FALEC: variants seen among roughly 807,000 people sequenced by gnomAD.
FALEC encodes the protein focally amplified lncRNA on chromosome 1.
chr1:150,518,765 G>A (rs1346456576), downstream of FALEC, among the ~76,000 whole-genome samples: 1 of 151,950 alleles, frequency 6.6e-6, no homozygotes, highest in African/African-American at 2.4e-5. Flanking sequence ...CATAACCTTT[G>A]AAAATCCCTG....
the FALEC span, among the ~76,000 whole-genome samples, chr1:150,524,162 T>G: frequency 6.6e-6 from 1 of 152,172 alleles, no homozygotes; most frequent in Non-Finnish European, 1.5e-5. Context: ...TTTTTAATTT[T>G]TTTTAGAGGT....
chr1:150,535,982 A>G, the FALEC span, among the ~76,000 whole-genome samples: 1 of 152,202 alleles, frequency 6.6e-6, no homozygotes, highest in Non-Finnish European at 1.5e-5. Flanking sequence ...TGGGGAAACC[A>G]AGATATGTAA....
At chr1:150,522,900 T>C (rs1369765649), downstream of FALEC, among the ~76,000 whole-genome samples, 14 of 68,418 alleles carry the variant, frequency 2.0e-4, no homozygotes, top group African/African-American at 8.0e-4. Flanking sequence ...TATATATATA[T>C]ATACATATAT....
At chr1:150,528,878 C>T in the FALEC span, among the ~76,000 whole-genome samples, 6 of 151,808 alleles carry the variant, frequency 4.0e-5, no homozygotes, top group Non-Finnish European at 8.8e-5. Context: ...TGAGCCACTG[C>T]GCCTGGCACT....
the FALEC span, among the ~76,000 whole-genome samples, chr1:150,529,717 T>C: frequency 2.0e-5 from 3 of 151,816 alleles, no homozygotes; most frequent in East Asian, 3.9e-4. Context: ...CCTGCCTCAG[T>C]CTCCCGAGTA....
the FALEC span, among the ~76,000 whole-genome samples, chr1:150,525,062 C>T: frequency 4.6e-5 from 7 of 151,118 alleles, no homozygotes; most frequent in Non-Finnish European, 7.4e-5. Flanking sequence ...TGTGGGAGGC[C>T]GAGGCAGGCG....
the FALEC span, among the ~76,000 whole-genome samples, chr1:150,531,691 C>A: frequency 6.6e-5 from 10 of 152,192 alleles, no homozygotes; most frequent in African/African-American, 2.4e-4. Context: ...TGATTAGTAA[C>A]TGACAGTTTC....
chr1:150,533,321 A>G, the FALEC span, among the ~76,000 whole-genome samples: 1 of 151,976 alleles, frequency 6.6e-6, no homozygotes, highest in African/African-American at 2.4e-5. Flanking sequence ...GTAAGCCACA[A>G]CTGAACCCCT....
chr1:150,518,006 C>G (rs1670592969), exon 2 of FALEC: 1 of 152,090 alleles, frequency 6.6e-6, no homozygotes, highest in South Asian at 2.1e-4. Flanking sequence ...ACACTAGCAG[C>G]CTATTACACA....
chr1:150,529,799 A>G, the FALEC span, among the ~76,000 whole-genome samples: 2 of 151,676 alleles, frequency 1.3e-5, no homozygotes, highest in Non-Finnish European at 2.9e-5. Flanking sequence ...GGGTTTTCCC[A>G]TGTTGGCCAG....
At chr1:150,534,051 A>AGGG in the FALEC span, among the ~76,000 whole-genome samples, 287 of 152,342 alleles carry the variant, frequency 1.9e-3, 1 homozygote, top group Middle Eastern at 6.8e-3. Flanking sequence ...AGGAACCTGC[A>AGGG]GGGAGGCCCT....
At chr1:150,516,236 G>A (rs1049734297) in intron 1 of FALEC, among the ~76,000 whole-genome samples, 6 of 143,018 alleles carry the variant, frequency 4.2e-5, no homozygotes. Context: ...CGAGAGAGGA[G>A]ACTCTGTCTC....
downstream of FALEC, among the ~76,000 whole-genome samples, chr1:150,520,768 C>A (rs368249352): frequency 2.8e-5 from 2 of 70,348 alleles, no homozygotes; most frequent in Non-Finnish European, 6.1e-5. Flanking sequence ...CATTCATTTT[C>A]TTTTCTTTTC....
the FALEC span, among the ~76,000 whole-genome samples, chr1:150,525,266 G>A: frequency 5.9e-5 from 9 of 152,048 alleles, no homozygotes; most frequent in Admixed American, 2.6e-4. Context: ...CAGTCTGGGC[G>A]ACAGAGCAAG....
At chr1:150,519,579 A>G (rs1329321672), downstream of FALEC, among the ~76,000 whole-genome samples, 1 of 151,884 alleles carries the variant, frequency 6.6e-6, no homozygotes, top group Non-Finnish European at 1.5e-5. Flanking sequence ...AATTAGGGCC[A>G]GGCACGGTGG....
the FALEC span, among the ~76,000 whole-genome samples, chr1:150,523,457 C>T: frequency 3.3e-5 from 5 of 151,050 alleles, no homozygotes; most frequent in Non-Finnish European, 7.4e-5. Context: ...GAGTTCGAGA[C>T]CAGCCTGACC....
the FALEC span, among the ~76,000 whole-genome samples, chr1:150,529,633 T>C: frequency 6.6e-6 from 1 of 151,778 alleles, no homozygotes; most frequent in African/African-American, 2.4e-5. Flanking sequence ...AGTCTCGCTC[T>C]GTCACCCAGG....
the FALEC span, among the ~76,000 whole-genome samples, chr1:150,534,689 A>G: frequency 3.3e-5 from 5 of 152,102 alleles, no homozygotes; most frequent in South Asian, 1.0e-3. Context: ...TAAAAATACA[A>G]AAATTTGCTG....
the FALEC span, among the ~76,000 whole-genome samples, chr1:150,526,282 G>A: frequency 0.081 from 12,144 of 149,848 alleles, 641 homozygotes; most frequent in Non-Finnish European, 0.12. Context: ...CTCGGGAGGC[G>A]GAGCTTGCAG....
Sources: allele counts gnomAD v4.1 joint callset (sites outside exome capture counted in the v4.1 genomes callset), GRCh38; gene constraint gnomAD v4.1.1; transcripts MANE v1.5; gene names NCBI Gene and HGNC (gene_info 2026-07-23, HGNC 2026-07-21).